The following SLC26A8 variants were observed in gnomAD, a reference collection of about 807,000 sequenced individuals.
SLC26A8 encodes the protein testis anion transporter 1.
In SLC26A8, 70 loss-of-function variants were observed where a neutral mutation model predicts 105.0. The observed-to-expected ratio is 0.67, with a 90% confidence interval of 0.55 to 0.81. The LOEUF is 0.81. Among genes scored for constraint, SLC26A8 ranks in the 40% least tolerant of loss-of-function variants. The probability of loss-of-function intolerance (pLI) is 0.00; values close to 1 mark genes in which losing one functional copy is unlikely to be tolerated. For synonymous variants in SLC26A8, 415 were observed against 438.3 expected (o/e 0.95, Z 0.66); for missense variants, 998 against 1,181.8 (o/e 0.84, Z 2.28).
intron 14 of SLC26A8, 186 bp downstream of exon 14, chr6:35,960,657 T>A: frequency 1.6e-6 from 1 of 633,966 alleles, no homozygotes. Flanking sequence ...AGCAAGACTC[T>A]GTCTCCAAAA....
chr6:35,977,015 T>A (rs111769478), intron 9 of SLC26A8, among the ~76,000 whole-genome samples, 189 bp downstream of exon 9: 2 of 152,292 alleles, frequency 1.3e-5, no homozygotes, highest in African/African-American at 4.8e-5. Context: ...TCTAGGGCAA[T>A]AACACTCAGG....
intron 3 of SLC26A8, among the ~76,000 whole-genome samples, chr6:36,011,835 C>A (rs1761865576): frequency 6.6e-6 from 1 of 152,164 alleles, no homozygotes; most frequent in African/African-American, 2.4e-5. Flanking sequence ...TCTGGAACTC[C>A]TGAGCTCAAG....
At chr6:35,997,413 C>T (rs1302381019) in intron 5 of SLC26A8, among the ~76,000 whole-genome samples, 1 of 152,184 alleles carries the variant, frequency 6.6e-6, no homozygotes, top group Non-Finnish European at 1.5e-5. Flanking sequence ...GAAAAATTGT[C>T]TTCTTTTGCA....
intron 9 of SLC26A8, 27 bp downstream of exon 9, chr6:35,977,177 G>A: frequency 1.2e-6 from 2 of 1,601,916 alleles, no homozygotes; most frequent in Non-Finnish European, 1.7e-6. Context: ...AAGAGTTAAG[G>A]ATCAGAGGAA....
intron 2 of SLC26A8, among the ~76,000 whole-genome samples, chr6:36,018,165 C>T (rs896620496): frequency 6.6e-6 from 1 of 152,206 alleles, no homozygotes; most frequent in Non-Finnish European, 1.5e-5. Flanking sequence ...TGTGATTCAA[C>T]AATTCTAGTC....
intron 10 of SLC26A8, chr6:35,969,179 T>A (rs973701125): frequency 2.6e-5 from 13 of 496,980 alleles, no homozygotes; most frequent in Non-Finnish European, 4.8e-5. Flanking sequence ...AGATGCTCCC[T>A]GAAAAGCTCC....
chr6:36,006,233 C>A (rs868018340), intron 3 of SLC26A8, among the ~76,000 whole-genome samples: 2 of 152,110 alleles, frequency 1.3e-5, no homozygotes, highest in Non-Finnish European at 1.5e-5. Context: ...AATTCTCCTG[C>A]CTTAGCCTCC....
chr6:35,992,235 A>G (rs1761190383), intron 6 of SLC26A8, among the ~76,000 whole-genome samples: 1 of 152,206 alleles, frequency 6.6e-6, no homozygotes, highest in Non-Finnish European at 1.5e-5. Flanking sequence ...TAGATACAAT[A>G]TCTTAAAGGC....
chr6:35,947,918 G>A (rs1439187873), intron 19 of SLC26A8, among the ~76,000 whole-genome samples: 3 of 152,134 alleles, frequency 2.0e-5, no homozygotes, highest in African/African-American at 7.2e-5. Flanking sequence ...GTGACAGAGT[G>A]AGACCCTGTC....
At chr6:35,978,135 C>A (rs1581655541) in intron 8 of SLC26A8, among the ~76,000 whole-genome samples, 2 of 125,424 alleles carry the variant, frequency 1.6e-5, no homozygotes, top group African/African-American at 6.2e-5. Flanking sequence ...CAGACATAGA[C>A]AGCACAAGAA....
intron 2 of SLC26A8, among the ~76,000 whole-genome samples, chr6:36,013,411 G>A (rs1439567227): frequency 6.6e-6 from 1 of 152,208 alleles, no homozygotes; most frequent in East Asian, 1.9e-4. Context: ...TGGCCAGGCT[G>A]GTCAGGTGAT....
intron 8 of SLC26A8, among the ~76,000 whole-genome samples, chr6:35,978,340 T>C (rs1288503366): frequency 1.3e-5 from 2 of 151,758 alleles, no homozygotes; most frequent in South Asian, 4.2e-4. Context: ...GAAAAAAAAA[T>C]CTTGATGATT....
chr6:35,961,449 A>G lies in SLC26A8; in HGVS notation c.1462-350T>C, dbSNP rs550372951. 9.8e-5 allele frequency among the ~76,000 whole-genome samples: 15 copies of G among 152,366 alleles called. No homozygotes were observed. In the South Asian group the frequency reaches 2.9e-3, roughly 29 times the overall value. ...TCACCAAATGGTAGTTGCTATTTTA[A>G]GATGTATAAGAGTTGTTGCAAATCT... is the stretch of plus-strand genomic sequence containing the variant. On this transcript the variant is annotated intron_variant, in intron 12 of 19. Transcript: ENST00000490799.
intron 19 of SLC26A8, among the ~76,000 whole-genome samples, chr6:35,945,568 T>G (rs1169060557): frequency 1.3e-5 from 2 of 152,282 alleles, no homozygotes; most frequent in East Asian, 3.9e-4. Flanking sequence ...TGCCATTCCC[T>G]TTGCCTACCT....
intron 7 of SLC26A8, among the ~76,000 whole-genome samples, chr6:35,988,909 C>T (rs1773639884): frequency 2.0e-5 from 3 of 147,070 alleles, no homozygotes; most frequent in South Asian, 2.2e-4. Flanking sequence ...GGTGCAATCT[C>T]GGCTCACTGC....
intron 7 of SLC26A8, among the ~76,000 whole-genome samples, chr6:35,991,111 G>C (rs1446821679): frequency 2.0e-5 from 3 of 151,984 alleles, no homozygotes; most frequent in Admixed American, 2.0e-4. Context: ...AATTAAAAAT[G>C]ATAATTAGGC....
chr6:35,966,994 C>T (rs1772543849), intron 11 of SLC26A8, among the ~76,000 whole-genome samples: 1 of 152,138 alleles, frequency 6.6e-6, no homozygotes, highest in Non-Finnish European at 1.5e-5. Flanking sequence ...GAAAAAATAT[C>T]CATGTCCAAA....
chr6:35,944,199 G>T lies in SLC26A8; in HGVS notation c.2614C>A (p.Leu872Met). 2.5e-6 allele frequency: 4 copies of T among 1,613,926 alleles called. No homozygotes were observed. The highest frequency in any genetic ancestry group is 3.4e-6 in the Non-Finnish European group (4 of 1,179,882). The change falls in exon 20 of 20, where the codon CTG becomes ATG. Residue 872 changes from leucine (L) to methionine (M), a missense_variant. Transcript: ENST00000490799. Reference sequence around the variant, plus strand: ...CGATCCAGGTCTAGGTCCAGACCCAGCCCAGCCTCTTGTTCTGATTCCAGC... The same window carrying T: ...CGATCCAGGTCTAGGTCCAGACCCATCCCAGCCTCTTGTTCTGATTCCAGC... ...LELESEQEAG[L>M]GLDLDLDREL...
At chr6:35,982,234 G>T (rs758588762) in intron 7 of SLC26A8, 31 bp from the exon 8 acceptor site, 4 of 1,596,634 alleles carry the variant, frequency 2.5e-6, no homozygotes, top group Admixed American at 1.7e-5. Flanking sequence ...AGGGATGGGG[G>T]CATATGAATA....
Sources: allele counts gnomAD v4.1 joint callset (sites outside exome capture counted in the v4.1 genomes callset), GRCh38; gene constraint gnomAD v4.1.1; transcripts MANE v1.5; gene names NCBI Gene and HGNC (gene_info 2026-07-23, HGNC 2026-07-21).